A3GALT2: variants seen among roughly 807,000 people sequenced by gnomAD.
A3GALT2 encodes the protein alpha-1,3-galactosyltransferase 2.
In A3GALT2, 14 loss-of-function variants were observed where a neutral mutation model predicts 16.6. The ratio of observed to expected loss-of-function variants is 0.84; its 90% CI spans 0.56 to 1.32. The LOEUF is 1.32. Among genes scored for constraint, A3GALT2 ranks in the 40% most tolerant of loss-of-function variants. The pLI is 0.00. For synonymous variants in A3GALT2, 253 were observed against 218.0 expected (o/e 1.16, Z -1.42); for missense variants, 600 against 490.9 (o/e 1.22, Z -2.10).
intron 1 of A3GALT2, among the ~76,000 whole-genome samples, chr1:33,316,326 C>T (rs1012965091): frequency 2.6e-5 from 4 of 151,874 alleles, no homozygotes; most frequent in Admixed American, 6.6e-5. Flanking sequence ...ACCCAGGGCC[C>T]GCATGTCAGG....
At chr1:33,315,550 T>A (rs1366683913) in intron 1 of A3GALT2, among the ~76,000 whole-genome samples, 1 of 152,128 alleles carries the variant, frequency 6.6e-6, no homozygotes, top group Non-Finnish European at 1.5e-5. Context: ...GTCTTGATTT[T>A]AAAAATAAAA....
intron 4 of A3GALT2, 113 bp downstream of exon 4, chr1:33,311,939 C>T: frequency 6.9e-7 from 1 of 1,457,612 alleles, no homozygotes. Flanking sequence ...TTGCTTCTCG[C>T]TTCACTTTGG....
chr1:33,317,964 A>G (rs972323394), intron 1 of A3GALT2, among the ~76,000 whole-genome samples: 2 of 152,226 alleles, frequency 1.3e-5, no homozygotes, highest in Non-Finnish European at 2.9e-5. Flanking sequence ...CAACTTGTAT[A>G]ATAGAAATCA....
At chr1:33,310,760 G>C (rs1410528482) in intron 4 of A3GALT2, among the ~76,000 whole-genome samples, 1 of 152,164 alleles carries the variant, frequency 6.6e-6, no homozygotes, top group Non-Finnish European at 1.5e-5. Flanking sequence ...TCAGAATCTT[G>C]GAACTCAGGA....
At chr1:33,310,799 T>C (rs958641629) in intron 4 of A3GALT2, among the ~76,000 whole-genome samples, 4 of 152,212 alleles carry the variant, frequency 2.6e-5, no homozygotes, top group Non-Finnish European at 4.4e-5. Context: ...TTCTGTACAT[T>C]GAGTGTCTGA....
chr1:33,314,834 AAAG>A (rs1570428133), intron 1 of A3GALT2: 3 of 152,350 alleles, frequency 2.0e-5, no homozygotes, highest in East Asian at 3.9e-4. Flanking sequence ...GTAAATCCTC[AAAG>A]AAGAAGTGCA....
intron 1 of A3GALT2, among the ~76,000 whole-genome samples, chr1:33,319,117 T>A (rs1646273472): frequency 6.6e-6 from 1 of 152,226 alleles, no homozygotes; most frequent in South Asian, 2.1e-4. Context: ...TTATGTCTAC[T>A]TTATAAATGA....
intron 4 of A3GALT2, among the ~76,000 whole-genome samples, chr1:33,309,569 G>A (rs1178630929): frequency 1.3e-5 from 2 of 148,768 alleles, no homozygotes; most frequent in Non-Finnish European, 3.0e-5. Flanking sequence ...GGGCGGAGGG[G>A]CTCCTCACTT....
rs867053300 is a variant in A3GALT2 at position 33,307,340 on chromosome 1, A to G, written c.449T>C (p.Val150Ala). Residue 150 changes from valine (V) to alanine (A), a missense_variant, in exon 5 of 5, where the codon GTG (valine) becomes GCG (alanine). Transcript: ENST00000442999. ...CAGCCGGCGTCCCGGGCCCAGCGCC[A>G]CGCGGGGCACCGCTCCCGGAAGCTC... ...FTELPGAVPR[V>A]ALGPGRRLPV... The G allele has an allele frequency of 2.0e-6, 3 of 1,537,544 alleles. No individual in the cohort carries two copies. The East Asian group carries it at 8.0e-5, about 41-fold the overall frequency.
intron 4 of A3GALT2, among the ~76,000 whole-genome samples, chr1:33,310,045 C>T (rs1362760408): frequency 6.6e-6 from 1 of 152,380 alleles, no homozygotes; most frequent in East Asian, 1.9e-4. Flanking sequence ...ACTCCGTCTG[C>T]AATCCCGGCA....
intron 1 of A3GALT2, chr1:33,313,714 C>T (rs1452111817): frequency 2.0e-5 from 3 of 152,216 alleles, no homozygotes; most frequent in African/African-American, 7.2e-5. Context: ...ACTGGAGCCA[C>T]GTGGTAAGGA....
At position 33,312,566 on chromosome 1, in the gene A3GALT2, C is replaced by T. The variant is rs369651562; in HGVS notation, c.132G>A (p.Met44Ile). The T allele has an allele frequency of 1.3e-5, 20 of 1,598,664 alleles. No individual in the cohort carries two copies. Among genetic ancestry groups the T allele is most frequent in the Non-Finnish European group, 1.7e-6 (2 of 1,171,744 alleles). The change falls in exon 3 of 5, where the codon ATG becomes ATA. Residue 44 changes from methionine (M) to isoleucine (I), a missense_variant. By Grantham distance (10) the Met-to-Ile change is conservative. Coordinates refer to ENST00000442999, the MANE Select transcript of A3GALT2 (RefSeq NM_001080438.1). Reference sequence around the variant, plus strand: ...ACATTGTGGCCGAAGGGCAGACGCCCATGGGGATGAGGGCTTCCAGATGCC... The same window carrying T: ...ACATTGTGGCCGAAGGGCAGACGCCTATGGGGATGAGGGCTTCCAGATGCC... ...KFRHLEALIP[M>I]GVCPSATMSQ... is the part of the protein sequence containing the mutation.
chr1:33,311,262 C>T (rs1646231326), intron 4 of A3GALT2, among the ~76,000 whole-genome samples: 1 of 152,148 alleles, frequency 6.6e-6, no homozygotes, highest in African/African-American at 2.4e-5. Flanking sequence ...GTCAGCACCC[C>T]GCTGCCATTT....
chr1:33,308,662 C>T (rs1215592392), intron 4 of A3GALT2, among the ~76,000 whole-genome samples: 3 of 151,262 alleles, frequency 2.0e-5, no homozygotes, highest in Admixed American at 6.6e-5. Flanking sequence ...CGTCTCGGGC[C>T]TCCCAAAGTG....
At chr1:33,310,418 A>T (rs1646228163) in intron 4 of A3GALT2, among the ~76,000 whole-genome samples, 1 of 152,206 alleles carries the variant, frequency 6.6e-6, no homozygotes, top group South Asian at 2.1e-4. Context: ...AGTTGTTTTA[A>T]GTCACTGTCT....
In A3GALT2 at chr1:33,307,021, C is replaced by G. The variant is rs961229335; in HGVS notation, c.768G>C (p.Ala256=). The change falls in exon 5 of 5, where the codon GCG becomes GCC. Residue 256 remains alanine (A), a synonymous_variant. Coordinates refer to ENST00000442999, the MANE Select transcript of A3GALT2 (RefSeq NM_001080438.1). ...WGQGDFYNHA[A]VFGGSVAALR... ...GCGCCGCCACGCTGCCCCCGAACAC[C>G]GCCGCGTGGTTATAGAAGTCGCCCT... 33 of 1,480,558 alleles carry G rather than the reference C, an allele frequency of 2.2e-5. No homozygotes were observed. Among genetic ancestry groups the G allele is most frequent in the Non-Finnish European group, 2.9e-5 (32 of 1,120,390 alleles). The allele number at this position is 1,480,558 out of a possible 1,614,324, so 91.7% of individuals were successfully genotyped here. A position where few individuals can be genotyped will look rare whatever the true frequency, so the allele number is the denominator to read the frequency against.
intron 1 of A3GALT2, among the ~76,000 whole-genome samples, chr1:33,319,663 T>TG (rs2148164820): frequency 6.6e-6 from 1 of 152,244 alleles, no homozygotes; most frequent in South Asian, 2.1e-4. Flanking sequence ...AGGCAGCACA[T>TG]GGGGCGTTCG....
chr1:33,312,187 G>C lies in A3GALT2; in HGVS notation c.200C>G (p.Ala67Gly), dbSNP rs1233258441. 1 of 1,613,070 alleles carries C rather than the reference G, an allele frequency of 6.2e-7. No homozygotes were observed. Among genetic ancestry groups the C allele is most frequent in the Admixed American group, 1.7e-5 (1 of 59,922 alleles). Residue 67 changes from alanine to glycine, a missense_variant and splice_region_variant, in exon 4 of 5, where the codon GCC (alanine) becomes GGC (glycine). Physicochemically the swap from Ala to Gly is moderately conservative, Grantham distance 60. Transcript: ENST00000442999. ...GGTACAGGTCAGAACTTCAGGCCGG[G>C]CCCTGGCCAGGGCAGGGATGGGAAA... is the stretch of plus-strand genomic sequence containing the variant. Reference protein sequence around the residue: ...DNFTGALRPWARPEVLTCTPW... With the variant: ...DNFTGALRPWGRPEVLTCTPW...
chr1:33,308,769 T>G (rs1319337527), intron 4 of A3GALT2, among the ~76,000 whole-genome samples: 1 of 131,392 alleles, frequency 7.6e-6, no homozygotes, highest in Non-Finnish European at 1.5e-5. Flanking sequence ...TTTTTTTTTT[T>G]TTTTTTTTTT....
Sources: allele counts gnomAD v4.1 joint callset (sites outside exome capture counted in the v4.1 genomes callset), GRCh38; gene constraint gnomAD v4.1.1; transcripts MANE v1.5; gene names NCBI Gene and HGNC (gene_info 2026-07-23, HGNC 2026-07-21).